The following PELI2 variants were observed in gnomAD, a reference collection of about 807,000 sequenced individuals.
PELI2 encodes E3 ubiquitin-protein ligase pellino homolog 2.
A neutral mutation model predicts 42.3 loss-of-function variants in PELI2; 23 were observed. The ratio of observed to expected loss-of-function variants is 0.54; its 90% confidence interval spans 0.39 to 0.77. The LOEUF is 0.77. Among genes scored for constraint, PELI2 ranks in the 30% least tolerant of loss-of-function variants. PELI2 has a pLI of 0.00. For missense variants in PELI2, 463 were observed against 553.2 expected, an observed-to-expected ratio of 0.84 and a Z score of 1.64; for synonymous variants, 245 against 212.2, an observed-to-expected ratio of 1.15 and a Z score of -1.34.
intron 5 of PELI2, among the ~76,000 whole-genome samples, chr14:56,291,098 T>C (rs61987438): frequency 0.039 from 5,880 of 152,338 alleles, 140 homozygotes; most frequent in Non-Finnish European, 0.048. Context: ...ACCTTAAATA[T>C]AGAACTTTGG....
chr14:56,138,135 G>A (rs1463331238), intron 1 of PELI2, among the ~76,000 whole-genome samples: 4 of 152,206 alleles, frequency 2.6e-5, no homozygotes, highest in Admixed American at 6.5e-5. Context: ...TGATGCCTGC[G>A]TCTGTTAGGT....
At position 56,197,418 on chromosome 14, in the gene PELI2, C is replaced by T. The variant is rs1886167146; in HGVS notation, c.207+18954C>T. ...TGGAGCTTGGGATGAGATGAGGGTA[C>T]AGTCAAGTCTTGTTCATGGGCCTTG... On this transcript the variant is annotated intron_variant, in intron 2 of 5. Transcript: ENST00000267460. The surrounding 1 kb of genome is among the most constrained non-coding windows in gnomAD (Gnocchi z 4.9). Among the ~76,000 whole-genome samples the T allele has an allele frequency of 1.3e-5, 2 of 152,036 alleles. No individual in the cohort carries two copies. The highest frequency in any genetic ancestry group is 4.1e-4 in the South Asian group (2 of 4,822).
chr14:56,231,517 A>G (rs894788997), intron 2 of PELI2, among the ~76,000 whole-genome samples: 7 of 152,228 alleles, frequency 4.6e-5, no homozygotes, highest in African/African-American at 1.7e-4. Context: ...TACTGGGTAC[A>G]TAACGAAATG....
At chr14:56,202,981 T>C (rs140869590) in intron 2 of PELI2, among the ~76,000 whole-genome samples, 1 of 138,560 alleles carries the variant, frequency 7.2e-6, no homozygotes, top group Non-Finnish European at 1.6e-5. Flanking sequence ...CATCATCCCT[T>C]GGATCCTGAA....
Position 56,297,048 on chromosome 14 carries a change from C to G in PELI2, c.1145C>G (p.Ser382Cys), listed in dbSNP as rs1890034097. The change falls in exon 6 of 6, where the codon TCT (serine) becomes TGT (cysteine). Residue 382 changes from serine to cysteine, a missense_variant. Transcript: ENST00000267460. The stretch of plus-strand genomic sequence containing the variant: ...TCGGAGAAGTCTGCAAAATACTGGT[C>G]TCAGATCCCGTTGCCTCATGGAACT... ...VCSEKSAKYW[S>C]QIPLPHGTHA... is the part of the protein sequence containing the mutation. 1 of 1,613,690 alleles carries G rather than the reference C, an allele frequency of 6.2e-7. No individual in the cohort carries two copies. Among genetic ancestry groups the G allele is most frequent in the Non-Finnish European group, 8.5e-7 (1 of 1,179,980 alleles).
intron 2 of PELI2, among the ~76,000 whole-genome samples, chr14:56,207,154 A>C (rs969249581): frequency 4.6e-5 from 7 of 152,188 alleles, no homozygotes; most frequent in African/African-American, 7.2e-5. Context: ...TGCTAAGATT[A>C]CTAGATTACT....
chr14:56,128,665 G>T (rs922338953), intron 1 of PELI2, among the ~76,000 whole-genome samples: 1 of 152,160 alleles, frequency 6.6e-6, no homozygotes, highest in Admixed American at 6.5e-5. Flanking sequence ...ATGGCTGGAG[G>T]CTGAAGTACT....
chr14:56,239,411 G>A (rs1887900774), intron 2 of PELI2, among the ~76,000 whole-genome samples: 1 of 152,176 alleles, frequency 6.6e-6, no homozygotes, highest in Non-Finnish European at 1.5e-5. Flanking sequence ...AGTTATTTGA[G>A]TTTGATAGTC....
In PELI2 at chr14:56,296,963, G is replaced by C. The variant is rs1890031031; in HGVS notation, c.1060G>C (p.Gly354Arg). The change falls in exon 6 of 6, where the codon GGA becomes CGA. Residue 354 changes from glycine to arginine, a missense_variant. Gly to Arg is a moderately radical substitution (Grantham distance 125). Around this residue, in one of 3 missense-constraint regions of PELI2, gnomAD observed 103 missense variants for 129.6 expected, o/e 0.80. Transcript: ENST00000267460. Reference sequence around the variant, plus strand: ...GCCTCTCTGGCTTGGCTGTGAGGCAGGATTTTATGTAGACGCAGGACCGCC... The same window carrying C: ...GCCTCTCTGGCTTGGCTGTGAGGCACGATTTTATGTAGACGCAGGACCGCC... ...YVPLWLGCEA[G>R]FYVDAGPPTH... is the part of the protein sequence containing the mutation. The C allele has an allele frequency of 6.2e-7, 1 of 1,613,978 alleles. No homozygotes were observed. The highest frequency in any genetic ancestry group is 1.7e-5 in the Admixed American group (1 of 60,008).
At chr14:56,296,556 C>T (rs764866942) in intron 5 of PELI2, 44 bp from the exon 6 acceptor site, 1 of 1,303,786 alleles carries the variant, frequency 7.7e-7, no homozygotes, top group Non-Finnish European at 1.1e-6. Context: ...GAGTGATTTG[C>T]TTGATTTTGC....
intron 1 of PELI2, among the ~76,000 whole-genome samples, chr14:56,120,489 T>C (rs1883022290): frequency 6.6e-6 from 1 of 152,180 alleles, no homozygotes; most frequent in Non-Finnish European, 1.5e-5. Context: ...ATAGTCTCAC[T>C]CCACAGGAGC....
chr14:56,151,146 C>G (rs1328758242), intron 1 of PELI2, among the ~76,000 whole-genome samples: 1 of 152,244 alleles, frequency 6.6e-6, no homozygotes, highest in Non-Finnish European at 1.5e-5. Flanking sequence ...GCCCACAGCA[C>G]CCCGTGTGGC....
chr14:56,153,499 C>G (rs938006195), intron 1 of PELI2, among the ~76,000 whole-genome samples: 1 of 152,102 alleles, frequency 6.6e-6, no homozygotes. Context: ...AGGCATTGAT[C>G]CAAGACAAAC....
At position 56,222,418 on chromosome 14, in the gene PELI2, C is replaced by T. The variant is rs145141739; in HGVS notation, c.207+43954C>T. On this transcript the variant is annotated intron_variant, in intron 2 of 5. Transcript: ENST00000267460. ...TAGGTGAACCAAGTGTTGAATGGTA[C>T]TTTACAAAGGTAAGAACATTAACAT... Among the ~76,000 whole-genome samples, 103 of 152,312 alleles carry T rather than the reference C, an allele frequency of 6.8e-4. 1 individual carries two copies. The East Asian group carries it at 0.019, about 28-fold the overall frequency.
intron 2 of PELI2, among the ~76,000 whole-genome samples, chr14:56,217,013 A>T (rs1048908177): frequency 6.6e-6 from 1 of 152,114 alleles, no homozygotes; most frequent in South Asian, 2.1e-4. Flanking sequence ...ATTTTTTTTT[A>T]AACATTCACT....
At chr14:56,247,649 T>C (rs1888209307) in intron 2 of PELI2, among the ~76,000 whole-genome samples, 1 of 152,216 alleles carries the variant, frequency 6.6e-6, no homozygotes, top group African/African-American at 2.4e-5. Flanking sequence ...TTGAAAATCA[T>C]GGATTAACAC....
intron 1 of PELI2, among the ~76,000 whole-genome samples, chr14:56,151,475 ACTT>A (rs1435273590): frequency 1.3e-5 from 2 of 152,184 alleles, no homozygotes; most frequent in Non-Finnish European, 2.9e-5. Flanking sequence ...AAGGGGCTGA[ACTT>A]CTTCAATGCA....
intron 2 of PELI2, among the ~76,000 whole-genome samples, chr14:56,200,480 A>G (rs1446977429): frequency 4.6e-5 from 7 of 152,320 alleles, no homozygotes; most frequent in South Asian, 2.1e-4. Flanking sequence ...GCTTCCTTTC[A>G]TAACTACCAC....
rs1886172985 is a variant in PELI2, at chr14:56,197,616, A to G, written c.207+19152A>G. 6.6e-6 allele frequency among the ~76,000 whole-genome samples: 1 copy of G among 152,138 alleles called. No homozygotes were observed. Among genetic ancestry groups the G allele is most frequent in the Non-Finnish European group, 1.5e-5 (1 of 68,016 alleles). The stretch of plus-strand genomic sequence containing the variant: ...GTGGCTTAGACTAGTGTAATGGTTA[A>G]TTGTATGTGTTAACTTGGCTGGGCC... On this transcript the variant is annotated intron_variant, in intron 2 of 5. Coordinates refer to ENST00000267460, the MANE Select transcript of PELI2 (RefSeq NM_021255.3). This position sits in a 1 kb window ranked among gnomAD's most constrained non-coding sequence, Gnocchi z 4.9.
Sources: allele counts gnomAD v4.1 joint callset (sites outside exome capture counted in the v4.1 genomes callset), GRCh38; gene constraint gnomAD v4.1.1; regional missense constraint gnomAD v4.1.1; non-coding constraint Gnocchi (gnomAD v3.1); transcripts MANE v1.5; gene names NCBI Gene and HGNC (gene_info 2026-07-23, HGNC 2026-07-21).